RABGAP1L: variants seen among roughly 807,000 people sequenced by gnomAD.
RABGAP1L encodes the protein RAB GTPase activating protein 1 like.
RABGAP1L carries 63 observed loss-of-function variants against 137.7 expected under a neutral mutation model. That is an observed-to-expected ratio of 0.46 (90% CI 0.37 to 0.56). RABGAP1L has a LOEUF of 0.56. Ranked by LOEUF, RABGAP1L falls within the 20% of genes least tolerant of loss-of-function variation. The pLI, the probability that RABGAP1L is intolerant of heterozygous loss-of-function variation, is 0.00. For synonymous variants in RABGAP1L, 431 were observed against 433.7 expected, an observed-to-expected ratio of 0.99 and a Z score of 0.08; for missense variants, 1,095 against 1,244.0, an observed-to-expected ratio of 0.88 and a Z score of 1.80.
intron 13 of RABGAP1L, among the ~76,000 whole-genome samples, chr1:174,510,083 C>G (rs1039231790): frequency 6.6e-6 from 1 of 152,190 alleles, no homozygotes; most frequent in Non-Finnish European, 1.5e-5. Context: ...AATGCCATTA[C>G]TCTAAAAACT....
chr1:174,420,516 A>G (rs1263226872), intron 13 of RABGAP1L, among the ~76,000 whole-genome samples: 1 of 152,070 alleles, frequency 6.6e-6, no homozygotes, highest in African/African-American at 2.4e-5. Context: ...CTAATTTAAT[A>G]TGTTGGGTTG....
At chr1:174,936,824 T>A (rs1187942114) in intron 19 of RABGAP1L, among the ~76,000 whole-genome samples, 2 of 152,194 alleles carry the variant, frequency 1.3e-5, no homozygotes, top group Non-Finnish European at 2.9e-5. Context: ...TTTCTTTTTT[T>A]AATTATTAAT....
chr1:174,566,687 G>A (rs1020639940), intron 13 of RABGAP1L, among the ~76,000 whole-genome samples: 1 of 152,268 alleles, frequency 6.6e-6, no homozygotes, highest in Non-Finnish European at 1.5e-5. Context: ...GGCCTTGAAC[G>A]TAGAGTTTAA....
At chr1:174,730,124 A>G (rs1682338672) in intron 17 of RABGAP1L, among the ~76,000 whole-genome samples, 2 of 152,216 alleles carry the variant, frequency 1.3e-5, no homozygotes, top group South Asian at 4.1e-4. Flanking sequence ...TTGCAGCCAC[A>G]AAAAAGAACA....
chr1:174,252,501 T>G lies in RABGAP1L; in HGVS notation c.897T>G (p.Asp299Glu), dbSNP rs917512272. 14 of 1,612,900 alleles carry G rather than the reference T, an allele frequency of 8.7e-6. No homozygotes were observed. The highest frequency in any genetic ancestry group is 1.7e-5 in the Admixed American group (1 of 59,772). Reference protein sequence around the residue: ...GNFSPVPKDRDKFYFKLKQGI... With the variant: ...GNFSPVPKDREKFYFKLKQGI... ...TCAGCCCTGTGCCTAAGGATAGAGATAAATTTTATTTCAAATTAAAGCAAG... is the reference window on the plus strand; with the variant it reads ...TCAGCCCTGTGCCTAAGGATAGAGAGAAATTTTATTTCAAATTAAAGCAAG... The change falls in exon 7 of 26, where the codon GAT becomes GAG. Residue 299 changes from aspartate to glutamate, a missense_variant. Around this residue, in one of 4 missense-constraint regions of RABGAP1L, gnomAD observed 112 missense variants for 157.3 expected, o/e 0.71. Transcript: ENST00000681986.
In RABGAP1L at chr1:174,990,073, C is replaced by T; in HGVS notation, c.*72C>T. ...AATCTGGGAGGATTCTTCCTGGTGT[C>T]CCTTTGAAGGAAAGTCAAGGAGGCC... On this transcript the variant is annotated 3_prime_UTR_variant, in exon 26 of 26. Coordinates refer to ENST00000681986, the MANE Select transcript of RABGAP1L (RefSeq NM_001366446.1). 2.1e-6 allele frequency: 3 copies of T among 1,424,416 alleles called. No homozygotes were observed. Among genetic ancestry groups the T allele is most frequent in the Non-Finnish European group, 2.8e-6 (3 of 1,053,836 alleles). 88.2% of individuals were successfully genotyped at this position (1,424,416 alleles called of 1,614,324 possible).
chr1:174,272,266 A>G, intron 7 of RABGAP1L, 148 bp from the exon 8 acceptor site: 3 of 654,914 alleles, frequency 4.6e-6, no homozygotes, highest in Non-Finnish European at 7.0e-6. Context: ...CTTCATAAAT[A>G]CTTATTTCTG....
chr1:174,687,139 C>T (rs1018429990), intron 15 of RABGAP1L, among the ~76,000 whole-genome samples: 3 of 152,052 alleles, frequency 2.0e-5, no homozygotes, highest in Non-Finnish European at 2.9e-5. Flanking sequence ...CCCTCCCCAC[C>T]CCGTCCGCAA....
At chr1:174,315,489 C>T (rs759645792) in intron 11 of RABGAP1L, among the ~76,000 whole-genome samples, 34 of 152,092 alleles carry the variant, frequency 2.2e-4, no homozygotes, top group Non-Finnish European at 3.8e-4. Flanking sequence ...AGTCCATTTA[C>T]ATTCATTGTT....
rs777182326 is a variant in RABGAP1L at position 174,231,271 on chromosome 1, G to A, written c.458G>A (p.Arg153Gln). Residue 153 changes from arginine (R) to glutamine (Q), a missense_variant, in exon 4 of 26, where the codon CGG (arginine) becomes CAG (glutamine). This residue lies in a region of RABGAP1L where 356 missense variants were observed against 326.3 expected (regional missense o/e 1.09). Transcript: ENST00000681986. ...CCACGTAATGAAGTAGAGGCTTTACGGGCAATGGCAACCATGAAATCTTCC... is the reference window on the plus strand; with the variant it reads ...CCACGTAATGAAGTAGAGGCTTTACAGGCAATGGCAACCATGAAATCTTCC... The part of the protein sequence containing the change: ...SSPRNEVEAL[R>Q]AMATMKSSSQ... The A allele has an allele frequency of 4.3e-6, 7 of 1,614,080 alleles. No homozygotes were observed. The highest frequency in any genetic ancestry group is 1.7e-5 in the Admixed American group (1 of 60,004).
chr1:174,915,025 G>A (rs902380229), intron 19 of RABGAP1L, among the ~76,000 whole-genome samples: 9 of 151,962 alleles, frequency 5.9e-5, no homozygotes, highest in Non-Finnish European at 8.8e-5. Flanking sequence ...GTTCCTTTTC[G>A]TTGCATAGTG....
At chr1:174,293,904 C>G (rs1430014921) in intron 10 of RABGAP1L, among the ~76,000 whole-genome samples, 1 of 151,920 alleles carries the variant, frequency 6.6e-6, no homozygotes, top group South Asian at 2.1e-4. Context: ...TGTTACAATA[C>G]TAGATGATAA....
chr1:174,301,380 G>A (rs770832427), intron 10 of RABGAP1L, among the ~76,000 whole-genome samples: 19 of 149,216 alleles, frequency 1.3e-4, no homozygotes, highest in Non-Finnish European at 2.8e-4. Flanking sequence ...AATGGATGGC[G>A]GTGTGTTAAC....
intron 19 of RABGAP1L, among the ~76,000 whole-genome samples, chr1:174,864,069 A>C (rs1650780538): frequency 6.6e-6 from 1 of 152,220 alleles, no homozygotes; most frequent in South Asian, 2.1e-4. Flanking sequence ...GAAATACATT[A>C]AGGTTTTAGG....
intron 1 of RABGAP1L, among the ~76,000 whole-genome samples, chr1:174,206,197 C>T (rs529739883): frequency 2.0e-4 from 30 of 152,178 alleles, no homozygotes; most frequent in Non-Finnish European, 3.7e-4. Flanking sequence ...AAGGCTTATT[C>T]GCAGAATAAG....
chr1:174,818,512 T>C (rs1193016035), intron 19 of RABGAP1L, among the ~76,000 whole-genome samples: 3 of 152,138 alleles, frequency 2.0e-5, no homozygotes, highest in Non-Finnish European at 2.9e-5. Context: ...GGTGAGTAAA[T>C]AGAGAAATGA....
At chr1:174,740,957 A>G (rs1365285033) in intron 17 of RABGAP1L, among the ~76,000 whole-genome samples, 1 of 149,914 alleles carries the variant, frequency 6.7e-6, no homozygotes, top group Non-Finnish European at 1.5e-5. Context: ...TATCTGTTCT[A>G]TATATTAGTT....
intron 17 of RABGAP1L, among the ~76,000 whole-genome samples, chr1:174,703,733 T>G (rs1679842176): frequency 6.6e-6 from 1 of 152,228 alleles, no homozygotes; most frequent in Non-Finnish European, 1.5e-5. Context: ...CTCTACATCC[T>G]CACTAACATC....
chr1:174,388,253 T>TA lies in RABGAP1L; in HGVS notation c.1560-5736dup, dbSNP rs144633226. Among the ~76,000 whole-genome samples the TA allele has an allele frequency of 4.6e-5, 7 of 152,082 alleles. No homozygotes were observed. The East Asian group carries it at 1.3e-3, about 29-fold the overall frequency. On this transcript the variant is annotated intron_variant, in intron 12 of 25. Transcript: ENST00000681986. Reference sequence around the variant, plus strand: ...CTCTTAAATAGCTAGATCATTCTTTTAAAAAAGCAAAACATGAATAAAGTC... The same window carrying TA: ...CTCTTAAATAGCTAGATCATTCTTTTAAAAAAAGCAAAACATGAATAAAGTC...
Sources: allele counts gnomAD v4.1 joint callset (sites outside exome capture counted in the v4.1 genomes callset), GRCh38; gene constraint gnomAD v4.1.1; regional missense constraint gnomAD v4.1.1; transcripts MANE v1.5; gene names NCBI Gene and HGNC (gene_info 2026-07-23, HGNC 2026-07-21).